The following RNF130 variants were observed in gnomAD, a reference collection of about 807,000 sequenced individuals.
RNF130 encodes the protein ring finger protein 130, also known as E3 ubiquitin-protein ligase RNF130.
A neutral mutation model predicts 44.6 loss-of-function variants in RNF130; 21 were observed. The observed-to-expected ratio is 0.47, with a 90% confidence interval of 0.33 to 0.68. RNF130 has a LOEUF of 0.68. RNF130 is among the 30% of genes least tolerant of loss of function. The pLI, the probability that RNF130 is intolerant of heterozygous loss-of-function variation, is 0.02. For synonymous variants in RNF130, 214 were observed against 210.4 expected (o/e 1.02, Z -0.15); for missense variants, 479 against 560.6 (o/e 0.85, Z 1.47).
At chr5:179,947,278 T>A (rs566875028) in intron 7 of RNF130, among the ~76,000 whole-genome samples, 142 of 152,348 alleles carry the variant, frequency 9.3e-4, no homozygotes, top group Non-Finnish European at 1.8e-3. Context: ...CCAAAATGCA[T>A]GGGCCTCCTG....
chr5:179,976,775 A>G (rs1355405559), intron 5 of RNF130: 1 of 151,894 alleles, frequency 6.6e-6, no homozygotes, highest in Non-Finnish European at 1.5e-5. Flanking sequence ...AGCCTCATGG[A>G]GATAACAACT....
At chr5:180,056,191 A>G (rs1208132124) in intron 1 of RNF130, among the ~76,000 whole-genome samples, 1 of 152,108 alleles carries the variant, frequency 6.6e-6, no homozygotes, top group African/African-American at 2.4e-5. Flanking sequence ...TATCAGAAAT[A>G]TAGATTTATT....
intron 3 of RNF130, among the ~76,000 whole-genome samples, chr5:179,998,892 A>ATATATATATATATATATATATATC: frequency 9.9e-6 from 1 of 101,060 alleles, no homozygotes; most frequent in African/African-American, 3.8e-5. Flanking sequence ...TATGTTTTAT[A>ATATATATATATATATATATATATC]TATCTGAGTG....
downstream of RNF130, among the ~76,000 whole-genome samples, chr5:179,954,448 C>T (rs1347946048): frequency 6.6e-6 from 1 of 152,132 alleles, no homozygotes; most frequent in Non-Finnish European, 1.5e-5. Flanking sequence ...TGAACACATG[C>T]TAAGTCAAAG....
intron 1 of RNF130, among the ~76,000 whole-genome samples, chr5:180,055,959 C>T (rs1311522921): frequency 5.3e-5 from 8 of 152,000 alleles, no homozygotes; most frequent in African/African-American, 1.9e-4. Context: ...TGGTGGGCAC[C>T]TTTAATCCCA....
chr5:180,060,419 T>C (rs550276956), intron 1 of RNF130, among the ~76,000 whole-genome samples: 1 of 152,350 alleles, frequency 6.6e-6, no homozygotes, highest in South Asian at 2.1e-4. Context: ...CATCTGATTA[T>C]GTCTTTTATG....
intron 7 of RNF130, among the ~76,000 whole-genome samples, chr5:179,938,503 C>G (rs1305052064): frequency 6.6e-6 from 1 of 152,104 alleles, no homozygotes; most frequent in Non-Finnish European, 1.5e-5. Context: ...TTACACCCCA[C>G]TGTGAATATA....
rs189357533 is a variant in RNF130, at chr5:180,010,043, C to G, written c.693+3018G>C. 3.0e-3 allele frequency among the ~76,000 whole-genome samples: 456 copies of G among 151,972 alleles called. 1 individual carries two copies. The highest frequency in any genetic ancestry group is 0.01 in the African/African-American group (433 of 41,462). On this transcript the variant is annotated intron_variant, in intron 3 of 8. Transcript: ENST00000521389. ...TGGGCGGATCACAAGGTCAGGAGAT[C>G]GAGACCATCCTGGCTAACACGGTGA...
At chr5:180,051,891 C>A (rs34027780) in intron 1 of RNF130, among the ~76,000 whole-genome samples, 19,130 of 152,220 alleles carry the variant, frequency 0.13, 1,358 homozygotes, top group East Asian at 0.25. Context: ...ATACTTCATG[C>A]AAGATGCTAC....
intron 7 of RNF130, among the ~76,000 whole-genome samples, chr5:179,936,825 T>C (rs1478766085): frequency 6.6e-6 from 1 of 152,164 alleles, no homozygotes; most frequent in Non-Finnish European, 1.5e-5. Flanking sequence ...CATACATCTA[T>C]GGCCAAGGGT....
chr5:179,928,622 ATTG>A (rs1405232975), intron 7 of RNF130, among the ~76,000 whole-genome samples: 9 of 139,316 alleles, frequency 6.5e-5, no homozygotes, highest in South Asian at 2.3e-4. Flanking sequence ...TATTTTTTTA[ATTG>A]TTGTTGTTTT....
intron 8 of RNF130, among the ~76,000 whole-genome samples, chr5:179,959,564 T>C (rs945068893): frequency 1.9e-4 from 29 of 151,210 alleles, no homozygotes; most frequent in Admixed American, 1.7e-3. Flanking sequence ...GAGGTGGAGG[T>C]TGTGGTGAGC....
rs543050894 is a variant in RNF130 at position 179,994,765 on chromosome 5, T to C, written c.694-14565A>G. 2.9e-4 allele frequency among the ~76,000 whole-genome samples: 44 copies of C among 152,342 alleles called. No individual in the cohort carries two copies. The South Asian group carries it at 8.9e-3, about 31-fold the overall frequency. On this transcript the variant is annotated intron_variant, in intron 3 of 8. Coordinates refer to ENST00000521389, the MANE Select transcript of RNF130 (RefSeq NM_018434.6). ...CTTATTCCCAAGTGCTGTGCACTTA[T>C]GTAAGCAGATGTTGTAATGGGCTGT...
chr5:179,963,268 C>G (rs1405588610), intron 8 of RNF130, among the ~76,000 whole-genome samples: 1 of 152,232 alleles, frequency 6.6e-6, no homozygotes, highest in Non-Finnish European at 1.5e-5. Flanking sequence ...ACGGGCTGCT[C>G]TTGTTGAATA....
At chr5:179,922,740 C>T (rs1392937616) in intron 7 of RNF130, among the ~76,000 whole-genome samples, 1 of 151,770 alleles carries the variant, frequency 6.6e-6, no homozygotes, top group Non-Finnish European at 1.5e-5. Context: ...TCAAGACTAG[C>T]CTAGGCAACA....
At chr5:180,062,623 G>T (rs1053845883) in intron 1 of RNF130, among the ~76,000 whole-genome samples, 12 of 152,196 alleles carry the variant, frequency 7.9e-5, no homozygotes, top group Non-Finnish European at 1.6e-4. Context: ...AAGCCTAAAG[G>T]TTAGAGGACT....
chr5:180,044,555 C>A (rs1764510920), intron 1 of RNF130, among the ~76,000 whole-genome samples: 1 of 152,080 alleles, frequency 6.6e-6, no homozygotes, highest in African/African-American at 2.4e-5. Context: ...TCCACATGGC[C>A]GGGCGCGGTG....
Position 179,957,356 on chromosome 5 carries a change from G to A in RNF130, c.1245-1687C>T, listed in dbSNP as rs190857654. On this transcript the variant is annotated intron_variant, in intron 8 of 8. Transcript: ENST00000521389. ...GAACCTGGGAGGCAGAAGTTGCAGT[G>A]AGCCGAGATCCCACCACTGTACTCC... Among the ~76,000 whole-genome samples the A allele has an allele frequency of 1.7e-3, 259 of 151,846 alleles. 1 individual carries two copies. Among genetic ancestry groups the A allele is most frequent in the African/African-American group, 6.0e-3 (250 of 41,368 alleles).
intron 8 of RNF130, among the ~76,000 whole-genome samples, chr5:179,958,038 C>T (rs909248147): frequency 1.1e-4 from 16 of 151,866 alleles, no homozygotes; most frequent in Admixed American, 6.6e-4. Context: ...CCACTACGCC[C>T]GGCTAATTTT....
Sources: allele counts gnomAD v4.1 joint callset (sites outside exome capture counted in the v4.1 genomes callset), GRCh38; gene constraint gnomAD v4.1.1; transcripts MANE v1.5; gene names NCBI Gene and HGNC (gene_info 2026-07-23, HGNC 2026-07-21).